CES5A: variants seen among roughly 807,000 people sequenced by gnomAD.
CES5A encodes the protein carboxylesterase 5.
Under a neutral mutation model 62.9 loss-of-function variants are expected in CES5A, and 67 were observed. The observed-to-expected ratio is 1.07, with a 90% confidence interval of 0.88 to 1.31. The LOEUF (loss-of-function observed/expected upper bound fraction) is 1.31, where lower values mean the gene tolerates loss of function less well. CES5A is among the 50% of genes most tolerant of loss of function. The probability of loss-of-function intolerance (pLI) is 0.00; values close to 1 mark genes in which losing one functional copy is unlikely to be tolerated. For missense variants in CES5A, 748 were observed against 708.5 expected, an observed-to-expected ratio of 1.06 and a Z score of -0.63; for synonymous variants, 296 against 280.8, an observed-to-expected ratio of 1.05 and a Z score of -0.54.
intron 1 of CES5A, among the ~76,000 whole-genome samples, chr16:55,922,022 A>G (rs1430533400): frequency 2.0e-5 from 3 of 152,048 alleles, no homozygotes; most frequent in African/African-American, 4.8e-5. Flanking sequence ...GGTAACCACA[A>G]TGTAAAAACT....
chr16:55,920,715 C>T (rs2034195774), intron 1 of CES5A, among the ~76,000 whole-genome samples: 1 of 152,116 alleles, frequency 6.6e-6, no homozygotes, highest in Non-Finnish European at 1.5e-5. Flanking sequence ...CATAAACATA[C>T]ATCCATTAGA....
intron 2 of CES5A, 51 bp downstream of exon 2, chr16:55,873,782 C>T (rs756603627): frequency 3.3e-6 from 5 of 1,511,300 alleles, no homozygotes; most frequent in Non-Finnish European, 4.5e-6. Context: ...GACCTGAATT[C>T]CTGCCACTCC....
At chr16:55,922,293 A>G (rs779781875) in intron 1 of CES5A, among the ~76,000 whole-genome samples, 1 of 152,002 alleles carries the variant, frequency 6.6e-6, no homozygotes, top group Admixed American at 6.6e-5. Context: ...TTTGCTGCCT[A>G]TAAGAAACCC....
At chr16:55,869,788 C>T (rs1226048790) in intron 3 of CES5A, 44 bp from the exon 4 acceptor site, 1 of 1,557,448 alleles carries the variant, frequency 6.4e-7, no homozygotes, top group African/African-American at 1.4e-5. Context: ...CCAGGCACCA[C>T]CTCCCCTCCC....
At chr16:55,949,191 G>A (rs1031550779) in intron 2 of CES5A, among the ~76,000 whole-genome samples, 1 of 152,214 alleles carries the variant, frequency 6.6e-6, no homozygotes, top group African/African-American at 2.4e-5. Context: ...GTTTATTAGG[G>A]TGTTGATCTT....
chr16:55,893,279 A>G (rs2033899559), intron 1 of CES5A, among the ~76,000 whole-genome samples: 2 of 152,182 alleles, frequency 1.3e-5, no homozygotes, highest in Non-Finnish European at 1.5e-5. Context: ...GCTTAAATTG[A>G]TCAGATCAGA....
chr16:55,876,484 G>A (rs1183149339), upstream of CES5A, among the ~76,000 whole-genome samples: 1 of 152,160 alleles, frequency 6.6e-6, no homozygotes, highest in African/African-American at 2.4e-5. Context: ...TCTGTACAGT[G>A]GATTTTGGAA....
chr16:55,856,515 T>C (rs2142390996), intron 8 of CES5A, 70 bp from the exon 9 acceptor site: 1 of 1,458,604 alleles, frequency 6.9e-7, no homozygotes, highest in Non-Finnish European at 9.6e-7. Context: ...CCCAAGGGCC[T>C]GGGCAGCTGA....
In CES5A at chr16:55,875,208, C is replaced by T. The variant is rs145811692; in HGVS notation, c.14G>A (p.Trp5Ter). ...AATTAGGATCTGGCCTGGGTGCACCCAATTCCCACTCATTTGGCTGCCTGC... is the reference window on the plus strand; with the variant it reads ...AATTAGGATCTGGCCTGGGTGCACCTAATTCCCACTCATTTGGCTGCCTGC... MSGN[W>*]VHPGQILIWA... is the part of the protein sequence containing the mutation. The change falls in exon 1 of 13, where the codon TGG (tryptophan) becomes TAG (stop). Residue 5 changes from tryptophan (W) to a stop codon, truncating the protein, a stop_gained. Coordinates refer to ENST00000290567, the MANE Select transcript of CES5A (RefSeq NM_001143685.2). LOFTEE classifies it high-confidence loss of function. 10 of 1,613,538 alleles carry T rather than the reference C, an allele frequency of 6.2e-6. No individual in the cohort carries two copies. Among genetic ancestry groups the T allele is most frequent in the Non-Finnish European group, 7.6e-6 (9 of 1,179,824 alleles).
intron 1 of CES5A, among the ~76,000 whole-genome samples, chr16:55,896,958 T>C (rs116392513): frequency 0.013 from 1,933 of 152,280 alleles, 48 homozygotes; most frequent in African/African-American, 0.044. Context: ...GAGAGTAGTG[T>C]TTGTCCTAAG....
intron 9 of CES5A, 127 bp from the exon 10 acceptor site, chr16:55,853,155 C>T (rs548508993): frequency 1.9e-5 from 17 of 894,572 alleles, no homozygotes; most frequent in Non-Finnish European, 2.6e-5. Context: ...ACACAGCAAC[C>T]CTATGATGCA....
chr16:55,915,025 T>C (rs2034132810), intron 1 of CES5A, among the ~76,000 whole-genome samples: 1 of 151,910 alleles, frequency 6.6e-6, no homozygotes, highest in Non-Finnish European at 1.5e-5. Flanking sequence ...TCTTTTAAGC[T>C]TCCTTTGGCT....
rs1442404491 is a variant in CES5A at position 55,943,933 on chromosome 16, G to A, written c.160+5852C>T. ...AGTAAGAGGGTCTAGAGCTGAAGGG[G>A]CAGTATTCATCTTCTTCTGAAACCT... On this transcript the variant is annotated intron_variant, in intron 2 of 13. Coordinates refer to the CES5A transcript ENST00000521992. 5.9e-6 allele frequency: 4 copies of A among 672,932 alleles called. No homozygotes were observed. In the East Asian group the frequency reaches 1.1e-4, roughly 18 times the overall value. 41.7% of individuals were successfully genotyped at this position (672,932 alleles called of 1,614,324 possible).
upstream of CES5A, among the ~76,000 whole-genome samples, chr16:55,880,163 C>T (rs2033746411): frequency 6.6e-6 from 1 of 152,188 alleles, no homozygotes; most frequent in Non-Finnish European, 1.5e-5. Context: ...TAAGCCATGG[C>T]TGCAGTGGAC....
At chr16:55,909,379 A>G (rs1033806927) in intron 1 of CES5A, among the ~76,000 whole-genome samples, 2 of 152,212 alleles carry the variant, frequency 1.3e-5, no homozygotes, top group Admixed American at 6.5e-5. Flanking sequence ...CAGCAAAACC[A>G]GACTGTGCCT....
At chr16:55,861,381 C>T in intron 7 of CES5A, 31 bp downstream of exon 7, 1 of 1,279,458 alleles carries the variant, frequency 7.8e-7, no homozygotes, top group Non-Finnish European at 1.1e-6. Flanking sequence ...AAGGGCAAGC[C>T]TGCCCCCAAA....
At chr16:55,874,276 C>A (rs1444287801) in intron 1 of CES5A, among the ~76,000 whole-genome samples, 2 of 152,184 alleles carry the variant, frequency 1.3e-5, no homozygotes, top group Non-Finnish European at 2.9e-5. Context: ...TACCTAGCAA[C>A]AAAATTTTCC....
intron 1 of CES5A, among the ~76,000 whole-genome samples, chr16:55,897,357 T>C (rs1159243423): frequency 2.0e-5 from 3 of 151,996 alleles, no homozygotes; most frequent in Admixed American, 2.0e-4. Flanking sequence ...CTCCCAGGGG[T>C]AGAAGACAAG....
chr16:55,856,436 G>C lies in CES5A; in HGVS notation c.1066C>G (p.Pro356Ala), dbSNP rs1199637805. 6.8e-6 allele frequency: 11 copies of C among 1,613,952 alleles called. No individual in the cohort carries two copies. The highest frequency in any genetic ancestry group is 9.3e-6 in the Non-Finnish European group (11 of 1,179,986). The change falls in exon 9 of 13, where the codon CCT (proline) becomes GCT (alanine). Residue 356 changes from proline to alanine, a missense_variant. Physicochemically the swap from Pro to Ala is conservative, Grantham distance 27 (BLOSUM62 -1). Coordinates refer to ENST00000290567, the MANE Select transcript of CES5A (RefSeq NM_001143685.2). Reference protein sequence around the residue: ...CGFLLPMKEAPEILSGSNKSL... With the variant: ...CGFLLPMKEAAEILSGSNKSL... ...TTGTTGGAGCCACTGAGGATCTCAG[G>C]AGCCTCCTTCTGTGGAGAGAAGCGT...
Sources: allele counts gnomAD v4.1 joint callset (sites outside exome capture counted in the v4.1 genomes callset), GRCh38; gene constraint gnomAD v4.1.1; transcripts MANE v1.5; gene names NCBI Gene and HGNC (gene_info 2026-07-23, HGNC 2026-07-21).